Variants in SGCZ observed in about 807,000 individuals in gnomAD.
SGCZ encodes sarcoglycan zeta.
Under a neutral mutation model 41.3 loss-of-function variants are expected in SGCZ, and 40 were observed. That is an observed-to-expected ratio of 0.97 (90% CI 0.75 to 1.26). SGCZ has a LOEUF of 1.26. SGCZ is among the 50% of genes most tolerant of loss of function. The probability of loss-of-function intolerance (pLI) is 0.00; values close to 1 mark genes in which losing one functional copy is unlikely to be tolerated. For synonymous variants in SGCZ, 206 were observed against 137.5 expected (o/e 1.50, Z -3.49); for missense variants, 552 against 369.8 (o/e 1.49, Z -4.04).
intron 2 of SGCZ, among the ~76,000 whole-genome samples, chr8:14,374,194 A>G (rs1585420491): frequency 6.6e-6 from 1 of 152,046 alleles, no homozygotes; most frequent in African/African-American, 2.4e-5. Flanking sequence ...CCTGGACAAC[A>G]TGGCAAAACA....
chr8:15,189,552 T>G (rs923880266), intron 1 of SGCZ, among the ~76,000 whole-genome samples: 2 of 142,754 alleles, frequency 1.4e-5, no homozygotes, highest in African/African-American at 4.9e-5. Flanking sequence ...AAATACTTCA[T>G]GAGGACCTTG....
intron 1 of SGCZ, among the ~76,000 whole-genome samples, chr8:14,665,090 C>T (rs562836195): frequency 6.6e-6 from 1 of 152,094 alleles, no homozygotes; most frequent in African/African-American, 2.4e-5. Context: ...TGTATACATG[C>T]CATGTTGGTG....
At chr8:14,497,981 T>G (rs1050449925) in intron 2 of SGCZ, among the ~76,000 whole-genome samples, 1 of 152,178 alleles carries the variant, frequency 6.6e-6, no homozygotes, top group South Asian at 2.1e-4. Flanking sequence ...CATCACACAA[T>G]ATCATCTATA....
chr8:14,808,658 G>T (rs966634603), intron 1 of SGCZ, among the ~76,000 whole-genome samples: 4 of 152,124 alleles, frequency 2.6e-5, no homozygotes, highest in Non-Finnish European at 4.4e-5. Context: ...CAACCATTGT[G>T]GAAGTCAGTG....
At chr8:14,561,445 T>G (rs1354868659) in intron 1 of SGCZ, among the ~76,000 whole-genome samples, 1 of 152,134 alleles carries the variant, frequency 6.6e-6, no homozygotes, top group Non-Finnish European at 1.5e-5. Context: ...TTCTCTGGCT[T>G]CATAATATTG....
At chr8:14,387,398 T>C (rs1016970636) in intron 2 of SGCZ, among the ~76,000 whole-genome samples, 2 of 152,192 alleles carry the variant, frequency 1.3e-5, no homozygotes, top group South Asian at 2.1e-4. Flanking sequence ...ATATCCACTA[T>C]GTAGTATAAT....
At chr8:14,163,357 C>T (rs374086021) in intron 5 of SGCZ, among the ~76,000 whole-genome samples, 4 of 152,080 alleles carry the variant, frequency 2.6e-5, no homozygotes, top group African/African-American at 9.7e-5. Flanking sequence ...GTGTGTTGTT[C>T]CCCTCTATGT....
chr8:15,067,010 A>G (rs1805175756), intron 1 of SGCZ, among the ~76,000 whole-genome samples: 1 of 152,234 alleles, frequency 6.6e-6, no homozygotes, highest in Admixed American at 6.5e-5. Context: ...ACCTTCTTAG[A>G]TATTGAAATA....
chr8:14,992,701 C>A (rs1244063669), intron 1 of SGCZ, among the ~76,000 whole-genome samples: 5 of 141,708 alleles, frequency 3.5e-5, no homozygotes, highest in African/African-American at 1.1e-4. Flanking sequence ...ATTTACCCCC[C>A]ACCCATCCTC....
At chr8:15,042,879 C>T (rs1804159225) in intron 1 of SGCZ, among the ~76,000 whole-genome samples, 1 of 152,182 alleles carries the variant, frequency 6.6e-6, no homozygotes, top group African/African-American at 2.4e-5. Flanking sequence ...CTTTGCTTAT[C>T]ACATGGGGCA....
chr8:14,391,598 T>C (rs942334332), intron 2 of SGCZ, among the ~76,000 whole-genome samples: 3 of 152,076 alleles, frequency 2.0e-5, no homozygotes, highest in Non-Finnish European at 4.4e-5. Context: ...AGTTAGGAAA[T>C]CAGCCCAGTA....
chr8:15,074,813 T>C (rs17609074), intron 1 of SGCZ, among the ~76,000 whole-genome samples: 29,283 of 152,030 alleles, frequency 0.19, 2,953 homozygotes, highest in East Asian at 0.28. Context: ...TTATCTTTCC[T>C]AACAGAATTA....
chr8:15,210,855 T>A, intron 1 of SGCZ, among the ~76,000 whole-genome samples: 1 of 152,064 alleles, frequency 6.6e-6, no homozygotes, highest in East Asian at 1.9e-4. Flanking sequence ...ATTAAACCTT[T>A]TCTTATTTTA....
intron 2 of SGCZ, among the ~76,000 whole-genome samples, chr8:14,455,587 G>C (rs188511096): frequency 1.3e-5 from 2 of 152,060 alleles, no homozygotes; most frequent in Non-Finnish European, 2.9e-5. Flanking sequence ...TTTCTGACCT[G>C]GAATCCCACT....
chr8:14,819,629 G>C (rs1440909197), intron 1 of SGCZ, among the ~76,000 whole-genome samples: 1 of 152,100 alleles, frequency 6.6e-6, no homozygotes, highest in African/African-American at 2.4e-5. Context: ...CAATACTCCA[G>C]TATGAAGGAT....
At chr8:15,186,180 T>C (rs1028395088) in intron 1 of SGCZ, among the ~76,000 whole-genome samples, 6 of 143,926 alleles carry the variant, frequency 4.2e-5, no homozygotes, top group Non-Finnish European at 8.9e-5. Context: ...GAGAATGGCA[T>C]GAACCCGGGA....
intron 3 of SGCZ, among the ~76,000 whole-genome samples, chr8:14,313,688 G>A (rs954923325): frequency 6.6e-6 from 1 of 152,074 alleles, no homozygotes; most frequent in Non-Finnish European, 1.5e-5. Flanking sequence ...TTATTTTAAG[G>A]AATTTAAAGA....
intron 1 of SGCZ, among the ~76,000 whole-genome samples, chr8:14,892,684 A>C (rs1176566574): frequency 1.3e-5 from 2 of 152,232 alleles, no homozygotes; most frequent in African/African-American, 4.8e-5. Flanking sequence ...CATGGAACTA[A>C]GTAAATAAAA....
chr8:14,905,229 A>G (rs1218052639), intron 1 of SGCZ, among the ~76,000 whole-genome samples: 1 of 152,104 alleles, frequency 6.6e-6, no homozygotes, highest in Non-Finnish European at 1.5e-5. Flanking sequence ...AATCATTTCA[A>G]AAAATAATCT....
Sources: gnomAD v4.1 joint callset for allele counts (sites outside exome capture counted in the v4.1 genomes callset) on GRCh38, gnomAD v4.1.1 for gene constraint, MANE v1.5 for transcripts, NCBI Gene and HGNC (gene_info 2026-07-23, HGNC 2026-07-21) for gene names.